CCDC91: variants seen among roughly 807,000 people sequenced by gnomAD.
CCDC91 encodes the protein coiled-coil domain-containing protein 91.
CCDC91 carries 48 observed loss-of-function variants against 63.2 expected under a neutral mutation model. That is an observed-to-expected ratio of 0.76 (90% CI 0.60 to 0.97). The LOEUF is 0.97. Among genes scored for constraint, CCDC91 ranks in the 50% least tolerant of loss-of-function variants. The pLI, the probability that CCDC91 is intolerant of heterozygous loss-of-function variation, is 0.00. For synonymous variants in CCDC91, 167 were observed against 165.8 expected (o/e 1.01, Z -0.06); for missense variants, 500 against 494.6 (o/e 1.01, Z -0.10).
At position 28,491,234 on chromosome 12, in the gene CCDC91, T is replaced by G. The variant is rs140207703; in HGVS notation, c.1215+7069T>G. Among the ~76,000 whole-genome samples the G allele has an allele frequency of 8.1e-3, 1,223 of 151,808 alleles. 18 individuals are homozygous for G. The highest frequency in any genetic ancestry group is 0.028 in the African/African-American group (1,152 of 41,472). Reference sequence around the variant, plus strand: ...TCTAAGTAATCACTTCTTGAATTACTATAATGACAACTAACTTTATTCTTT... The same window carrying G: ...TCTAAGTAATCACTTCTTGAATTACGATAATGACAACTAACTTTATTCTTT... On this transcript the variant is annotated intron_variant, in intron 12 of 12. Transcript: ENST00000536442.
At chr12:28,455,846 T>C (rs1231895200) in intron 11 of CCDC91, among the ~76,000 whole-genome samples, 1 of 152,076 alleles carries the variant, frequency 6.6e-6, no homozygotes, top group Non-Finnish European at 1.5e-5. Flanking sequence ...CACAATGACC[T>C]TATGAAGTAG....
At chr12:28,477,239 G>A (rs558826029) in intron 11 of CCDC91, among the ~76,000 whole-genome samples, 2 of 152,174 alleles carry the variant, frequency 1.3e-5, no homozygotes, top group African/African-American at 2.4e-5. Flanking sequence ...CTGGCAAACC[G>A]AATCCAGCAG....
At chr12:28,231,471 A>G (rs1194557569) in intron 1 of CCDC91, among the ~76,000 whole-genome samples, 1 of 152,168 alleles carries the variant, frequency 6.6e-6, no homozygotes, top group Non-Finnish European at 1.5e-5. Flanking sequence ...ATTTGTGACA[A>G]GTTGTTTGGG....
chr12:28,279,356 A>G (rs1441791729), intron 3 of CCDC91, among the ~76,000 whole-genome samples: 1 of 152,136 alleles, frequency 6.6e-6, no homozygotes, highest in African/African-American at 2.4e-5. Context: ...CAAGTTAAGT[A>G]CAGAAGTCAT....
intron 8 of CCDC91, among the ~76,000 whole-genome samples, chr12:28,430,877 A>T (rs1411492833): frequency 6.6e-6 from 1 of 152,092 alleles, no homozygotes; most frequent in East Asian, 1.9e-4. Context: ...TGCAGAGACT[A>T]CATTTTTGAC....
rs555160338 is a variant in CCDC91 at position 28,262,811 on chromosome 12, GA to G, written c.109+3371del. Among the ~76,000 whole-genome samples the G allele has an allele frequency of 5.3e-4, 80 of 152,038 alleles. No individual in the cohort carries two copies. The South Asian group carries it at 0.016, about 30-fold the overall frequency. ...TGCAGAATGTAAATACGAGATGAAT[GA>G]ATATGAAATTATCAAGCTCTTTTCC... On this transcript the variant is annotated intron_variant, in intron 3 of 12. Transcript: ENST00000536442.
At chr12:28,370,797 C>T (rs1377249912) in intron 7 of CCDC91, among the ~76,000 whole-genome samples, 1 of 151,576 alleles carries the variant, frequency 6.6e-6, no homozygotes, top group Non-Finnish European at 1.5e-5. Context: ...AAAGGAGAAG[C>T]AAGCACCTTC....
intron 7 of CCDC91, among the ~76,000 whole-genome samples, chr12:28,388,753 G>A (rs1356717041): frequency 1.3e-5 from 2 of 152,038 alleles, no homozygotes; most frequent in Non-Finnish European, 2.9e-5. Flanking sequence ...AAAACAAGTG[G>A]GGAAAGGACA....
At chr12:28,255,808 A>G (rs1396945540) in intron 1 of CCDC91, 1 of 152,162 alleles carries the variant, frequency 6.6e-6, no homozygotes. Context: ...CTGTTAAAAC[A>G]ATCGTTGAAA....
chr12:28,191,540 T>C (rs1382316126), intron 1 of CCDC91, among the ~76,000 whole-genome samples: 2 of 152,084 alleles, frequency 1.3e-5, no homozygotes, highest in Non-Finnish European at 2.9e-5. Flanking sequence ...GGGTGGGAGT[T>C]GGATGATGGT....
At chr12:28,310,426 T>TAA (rs1565777391) in intron 6 of CCDC91, among the ~76,000 whole-genome samples, 2 of 152,074 alleles carry the variant, frequency 1.3e-5, no homozygotes, top group African/African-American at 4.8e-5. Context: ...CTAGGAGTGA[T>TAA]GACTTGAGTC....
chr12:28,519,773 A>G lies in CCDC91; in HGVS notation c.1216-29290A>G, dbSNP rs554533787. 6.1e-4 allele frequency among the ~76,000 whole-genome samples: 80 copies of G among 130,586 alleles called. No homozygotes were observed. The East Asian group carries it at 0.018, about 30-fold the overall frequency. 85.7% of individuals were successfully genotyped at this position (130,586 alleles called of 152,430 possible). A position where few individuals can be genotyped will look rare whatever the true frequency, so the allele number is the denominator to read the frequency against. ...TGTGATGTTCCCCTTCCTGTGTCCA[A>G]GTGTTCTCATTGTTCAAATCCCACC... is the stretch of plus-strand genomic sequence containing the variant. On this transcript the variant is annotated intron_variant, in intron 12 of 12. Coordinates refer to ENST00000536442, the MANE Select transcript of CCDC91 (RefSeq NM_018318.5).
intron 1 of CCDC91, among the ~76,000 whole-genome samples, chr12:28,238,615 G>T (rs1356277628): frequency 6.6e-6 from 1 of 152,090 alleles, no homozygotes; most frequent in African/African-American, 2.4e-5. Context: ...AAGCATTTCT[G>T]TATGAGCATT....
chr12:28,198,572 A>G (rs750528402), intron 1 of CCDC91, among the ~76,000 whole-genome samples: 2 of 152,226 alleles, frequency 1.3e-5, no homozygotes, highest in Non-Finnish European at 2.9e-5. Context: ...ACAAGTGGCA[A>G]TGAATACCTA....
chr12:28,315,357 G>A (rs142451442), intron 6 of CCDC91, among the ~76,000 whole-genome samples: 1,712 of 151,688 alleles, frequency 0.011, 35 homozygotes, highest in African/African-American at 0.04. Context: ...GTAGAGATGC[G>A]GTCTCACCAT....
chr12:28,488,777 TTCTG>T (rs1001944607), intron 12 of CCDC91, among the ~76,000 whole-genome samples: 3 of 151,846 alleles, frequency 2.0e-5, no homozygotes, highest in African/African-American at 7.2e-5. Context: ...TATTTAATCT[TTCTG>T]TGGATCAGCA....
intron 8 of CCDC91, among the ~76,000 whole-genome samples, chr12:28,408,042 G>A (rs1045271024): frequency 6.6e-6 from 1 of 151,126 alleles, no homozygotes; most frequent in Non-Finnish European, 1.5e-5. Context: ...AGGTATACAT[G>A]TGCCATGGTG....
chr12:28,342,484 A>G (rs531448996), intron 6 of CCDC91, among the ~76,000 whole-genome samples: 1 of 152,158 alleles, frequency 6.6e-6, no homozygotes, highest in Non-Finnish European at 1.5e-5. Flanking sequence ...GAGGAAAGGA[A>G]GTGGAATCAG....
chr12:28,526,560 A>G (rs1221647808), intron 12 of CCDC91, among the ~76,000 whole-genome samples: 1 of 152,110 alleles, frequency 6.6e-6, no homozygotes, highest in Non-Finnish European at 1.5e-5. Flanking sequence ...TTAACTTTAG[A>G]TAACCTGTTG....
Sources: gnomAD v4.1 joint callset for allele counts (sites outside exome capture counted in the v4.1 genomes callset) on GRCh38, gnomAD v4.1.1 for gene constraint, MANE v1.5 for transcripts, NCBI Gene and HGNC (gene_info 2026-07-23, HGNC 2026-07-21) for gene names.